The following CACNA1C variants were observed in gnomAD, a reference collection of about 807,000 sequenced individuals.
CACNA1C encodes calcium voltage-gated channel subunit alpha1 C, also known as voltage-dependent L-type calcium channel subunit alpha-1C.
A neutral mutation model predicts 229.0 loss-of-function variants in CACNA1C; 30 were observed. That is an observed-to-expected ratio of 0.13 (90% CI 0.10 to 0.18). The LOEUF is 0.18. Ranked by LOEUF, CACNA1C falls within the 10% of genes least tolerant of loss-of-function variation. CACNA1C has a pLI of 1.00. For missense variants in CACNA1C, 1,658 were observed against 2,845.0 expected (o/e 0.58, Z 9.49); for synonymous variants, 1,114 against 1,132.5 (o/e 0.98, Z 0.33).
At chr12:2,519,710 T>C (rs2099805818) in intron 9 of CACNA1C, among the ~76,000 whole-genome samples, 1 of 152,192 alleles carries the variant, frequency 6.6e-6, no homozygotes, top group African/African-American at 2.4e-5. Context: ...GTGAAACCAC[T>C]GATGGATATT....
chr12:2,505,053 G>C, intron 8 of CACNA1C, 108 bp downstream of exon 8: 1 of 684,158 alleles, frequency 1.5e-6, no homozygotes, highest in South Asian at 1.6e-5. Flanking sequence ...CCTGGGATAA[G>C]GGGTCACCAC....
intron 3 of CACNA1C, among the ~76,000 whole-genome samples, chr12:2,176,889 G>C (rs565949280): frequency 1.3e-5 from 2 of 152,196 alleles, no homozygotes; most frequent in Non-Finnish European, 2.9e-5. Context: ...CATCACTGAA[G>C]AATTGGCATT....
intron 3 of CACNA1C, among the ~76,000 whole-genome samples, chr12:2,233,665 A>G (rs1305105180): frequency 6.6e-6 from 1 of 152,200 alleles, no homozygotes; most frequent in East Asian, 1.9e-4. Flanking sequence ...TCTGATACAT[A>G]GATGGTTGAC....
In CACNA1C at chr12:2,585,385, C is replaced by T; in HGVS notation, c.2349C>T (p.Ser783=). The T allele has an allele frequency of 6.2e-7, 1 of 1,612,438 alleles. No homozygotes were observed. The highest frequency in any genetic ancestry group is 8.5e-7 in the Non-Finnish European group (1 of 1,179,192). ...GCTGCTGACTGGCCAGGACTGCCAGCCCAGAGAAGAAACAAGAGTTGGTGG... is the reference window on the plus strand; with the variant it reads ...GCTGCTGACTGGCCAGGACTGCCAGTCCAGAGAAGAAACAAGAGTTGGTGG... ...KERKKLARTA[S]PEKKQELVEK... The change falls in exon 17 of 47, where the codon AGC becomes AGT. Residue 783 remains serine, a synonymous_variant. Coordinates refer to ENST00000399655, the MANE Select transcript of CACNA1C (RefSeq NM_000719.7). This position sits in a 1 kb window ranked among gnomAD's most constrained non-coding sequence, Gnocchi z 4.1.
intron 3 of CACNA1C, among the ~76,000 whole-genome samples, chr12:2,311,559 C>T (rs1478360221): frequency 6.6e-6 from 1 of 152,194 alleles, no homozygotes; most frequent in Admixed American, 6.5e-5. Context: ...TCCTCTCTCG[C>T]ACAGCAAACA....
rs529850274 is a variant in CACNA1C at position 2,437,955 on chromosome 12, G to C, written c.478-11021G>C. On this transcript the variant is annotated intron_variant, in intron 3 of 46. Transcript: ENST00000399655. ...GTGGCAGTGGAGTGGTGGTGGTGGT[G>C]ATGGTTGGGATGGTGGTGATAATGA... Among the ~76,000 whole-genome samples the C allele has an allele frequency of 3.9e-3, 591 of 150,514 alleles. 8 individuals are homozygous for C. Among genetic ancestry groups the C allele is most frequent in the African/African-American group, 0.014 (572 of 40,944 alleles).
intron 30 of CACNA1C, among the ~76,000 whole-genome samples, chr12:2,637,017 TC>T (rs1235134202): frequency 6.6e-6 from 1 of 152,136 alleles, no homozygotes; most frequent in Non-Finnish European, 1.5e-5. Flanking sequence ...AGCCACTTTC[TC>T]CCTCTCCCAC....
At chr12:2,052,606 T>A (rs1386871267), upstream of CACNA1C, among the ~76,000 whole-genome samples, 1 of 140,288 alleles carries the variant, frequency 7.1e-6, no homozygotes, top group Non-Finnish European at 1.6e-5. Context: ...AGGGGGTGTG[T>A]CCGCGCCGCG....
intron 3 of CACNA1C, among the ~76,000 whole-genome samples, chr12:2,381,232 G>T (rs549482570): frequency 6.6e-6 from 1 of 152,336 alleles, no homozygotes; most frequent in African/African-American, 2.4e-5. Context: ...TATAAAATGT[G>T]AATGTGTGTC....
intron 3 of CACNA1C, among the ~76,000 whole-genome samples, chr12:2,185,242 G>A (rs1424305414): frequency 1.3e-5 from 2 of 152,156 alleles, no homozygotes; most frequent in Non-Finnish European, 2.9e-5. Context: ...CAATGGGGAG[G>A]AGTTGTTCTG....
chr12:2,605,271 G>A lies in CACNA1C; in HGVS notation c.3048+103G>A, dbSNP rs1248310987. The A allele has an allele frequency of 6.4e-6, 5 of 777,954 alleles. No individual in the cohort carries two copies. The highest frequency in any genetic ancestry group is 1.1e-5 in the Non-Finnish European group (5 of 452,260). 48.2% of individuals were successfully genotyped at this position (777,954 alleles called of 1,614,324 possible). A position where few individuals can be genotyped will look rare whatever the true frequency, so the allele number is the denominator to read the frequency against. ...TGGAAGGAGATGATGGTCAGACCAA[G>A]TGGCTGCCATGTGGGGTCCCGGACA... On this transcript the variant is annotated intron_variant, in intron 23 of 46. Coordinates refer to ENST00000399655, the MANE Select transcript of CACNA1C (RefSeq NM_000719.7). The surrounding 1 kb of genome is among the most constrained non-coding windows in gnomAD (Gnocchi z 6.2).
At chr12:1,986,801 G>T (rs1272555281) in intron 1 of CACNA1C, among the ~76,000 whole-genome samples, 1 of 152,160 alleles carries the variant, frequency 6.6e-6, no homozygotes, top group Non-Finnish European at 1.5e-5. Flanking sequence ...TCCTCAGTGT[G>T]TCTGTTGTCA....
chr12:2,204,945 A>T (rs911595403), intron 3 of CACNA1C, among the ~76,000 whole-genome samples: 1 of 131,394 alleles, frequency 7.6e-6, no homozygotes, highest in African/African-American at 2.6e-5. Context: ...AATAAAAAAA[A>T]ATAAATTAAT....
intron 3 of CACNA1C, among the ~76,000 whole-genome samples, chr12:2,177,036 A>G (rs1162741117): frequency 1.3e-5 from 2 of 152,206 alleles, no homozygotes; most frequent in African/African-American, 4.8e-5. Flanking sequence ...GTCTGATGGC[A>G]TAAGGTGCAG....
Position 2,019,134 on chromosome 12 carries a change from G to A in CACNA1C, c.139+47933G>A, listed in dbSNP as rs527415603. On this transcript the variant is annotated intron_variant, in intron 1 of 46. Coordinates refer to the CACNA1C transcript ENST00000682462. ...GGTTTGATAGGTTGGCAGGGCAAAG[G>A]GAAAAACAGAGTTGGAGCTGACTGA... Among the ~76,000 whole-genome samples, 76 of 152,150 alleles carry A rather than the reference G, an allele frequency of 5.0e-4. 1 individual carries two copies. In the South Asian group the frequency reaches 0.016, roughly 31 times the overall value.
chr12:2,618,513 C>A (rs543898393), intron 29 of CACNA1C, among the ~76,000 whole-genome samples: 3 of 152,264 alleles, frequency 2.0e-5, no homozygotes, highest in Non-Finnish European at 4.4e-5. Flanking sequence ...AGGCCCCAAA[C>A]TGCCCCACCG....
intron 3 of CACNA1C, among the ~76,000 whole-genome samples, chr12:2,335,449 A>C (rs969053806): frequency 1.3e-5 from 2 of 150,296 alleles, no homozygotes; most frequent in Non-Finnish European, 3.0e-5. Flanking sequence ...AAAAAAAAAA[A>C]ACCTTAAACA....
At chr12:2,508,812 A>G (rs1336173236) in intron 8 of CACNA1C, among the ~76,000 whole-genome samples, 1 of 152,212 alleles carries the variant, frequency 6.6e-6, no homozygotes, top group East Asian at 1.9e-4. Flanking sequence ...GGATTTTTTC[A>G]AAATACTTTA....
At chr12:2,055,598 A>G (rs1441192109) in intron 1 of CACNA1C, among the ~76,000 whole-genome samples, 1 of 152,022 alleles carries the variant, frequency 6.6e-6, no homozygotes, top group Non-Finnish European at 1.5e-5. Flanking sequence ...AGGAGTGCCA[A>G]CCCCAGAGAG....
Sources: allele counts gnomAD v4.1 joint callset (sites outside exome capture counted in the v4.1 genomes callset), GRCh38; gene constraint gnomAD v4.1.1; non-coding constraint Gnocchi (gnomAD v3.1); transcripts MANE v1.5; gene names NCBI Gene and HGNC (gene_info 2026-07-23, HGNC 2026-07-21).